The following ROBO2 variants were observed in gnomAD, a reference collection of about 807,000 sequenced individuals.
The protein encoded by ROBO2 is roundabout guidance receptor 2.
A neutral mutation model predicts 160.8 loss-of-function variants in ROBO2; 53 were observed. That is an observed-to-expected ratio of 0.33 (90% confidence interval 0.26 to 0.41). The LOEUF (loss-of-function observed/expected upper bound fraction) is 0.41. ROBO2 is among the 10% of genes least tolerant of loss of function. The pLI is 1.00. For missense variants in ROBO2, 1,577 were observed against 1,722.4 expected, an observed-to-expected ratio of 0.92 and a Z score of 1.49; for synonymous variants, 664 against 611.7, an observed-to-expected ratio of 1.09 and a Z score of -1.26.
At chr3:76,464,459 C>T (rs988030947) in intron 2 of ROBO2, among the ~76,000 whole-genome samples, 9 of 152,060 alleles carry the variant, frequency 5.9e-5, no homozygotes, top group East Asian at 1.9e-4. Context: ...CCTAATCCTA[C>T]CCCTAAGGAT....
chr3:76,845,940 G>A (rs960927059), intron 2 of ROBO2, among the ~76,000 whole-genome samples: 4 of 151,998 alleles, frequency 2.6e-5, no homozygotes, highest in Admixed American at 1.3e-4. Flanking sequence ...TGATTAAAAT[G>A]CTCAACAATG....
At chr3:76,908,765 T>C (rs1000586683) in intron 2 of ROBO2, among the ~76,000 whole-genome samples, 1 of 152,218 alleles carries the variant, frequency 6.6e-6, no homozygotes, top group Admixed American at 6.5e-5. Flanking sequence ...TACTATTTCA[T>C]ATACAATTGT....
intron 2 of ROBO2, among the ~76,000 whole-genome samples, chr3:76,518,725 T>A (rs2081459293): frequency 6.6e-6 from 1 of 152,166 alleles, no homozygotes. Flanking sequence ...ATTTATGTCA[T>A]CATGTTCTCT....
At chr3:76,170,921 C>G (rs2073016537) in intron 2 of ROBO2, among the ~76,000 whole-genome samples, 1 of 152,124 alleles carries the variant, frequency 6.6e-6, no homozygotes, top group African/African-American at 2.4e-5. Flanking sequence ...ATACAGTGAT[C>G]ATTGTTAAGC....
chr3:77,573,027 T>C, intron 13 of ROBO2, among the ~76,000 whole-genome samples: 1 of 152,164 alleles, frequency 6.6e-6, no homozygotes, highest in Non-Finnish European at 1.5e-5. Flanking sequence ...TTCCTCTTTC[T>C]CTACAAACTT....
intron 2 of ROBO2, among the ~76,000 whole-genome samples, chr3:76,888,171 C>T (rs2074055618): frequency 6.6e-6 from 1 of 152,058 alleles, no homozygotes; most frequent in African/African-American, 2.4e-5. Flanking sequence ...AGTTGGTGAC[C>T]AGCCTGGCTA....
chr3:77,097,432 G>C (rs1486728302), intron 1 of ROBO2, among the ~76,000 whole-genome samples: 1 of 151,758 alleles, frequency 6.6e-6, no homozygotes, highest in African/African-American at 2.4e-5. Context: ...ATTTATACTT[G>C]AGCTCTTCAG....
At chr3:76,222,969 G>T (rs1289653355) in intron 2 of ROBO2, among the ~76,000 whole-genome samples, 1 of 151,864 alleles carries the variant, frequency 6.6e-6, no homozygotes, top group East Asian at 2.0e-4. Flanking sequence ...TAGTCAGGCT[G>T]GTCTCAAGTT....
intron 2 of ROBO2, among the ~76,000 whole-genome samples, chr3:77,252,171 A>G (rs532700048): frequency 1.8e-3 from 270 of 152,232 alleles, no homozygotes; most frequent in Non-Finnish European, 3.1e-3. Flanking sequence ...CGACGTGAAC[A>G]TTATTCTGTC....
chr3:76,110,796 C>T (rs2070193395), intron 2 of ROBO2, among the ~76,000 whole-genome samples: 1 of 151,982 alleles, frequency 6.6e-6, no homozygotes, highest in South Asian at 2.1e-4. Flanking sequence ...AATAAAAATT[C>T]AATTAATTAG....
At chr3:77,640,335 G>T (rs796835118) in intron 24 of ROBO2, among the ~76,000 whole-genome samples, 2 of 151,968 alleles carry the variant, frequency 1.3e-5, no homozygotes, top group East Asian at 1.9e-4. Context: ...GGATGGTCTC[G>T]ATCTCTTGAC....
chr3:76,532,746 A>G (rs565695339), intron 2 of ROBO2, among the ~76,000 whole-genome samples: 15 of 152,282 alleles, frequency 9.9e-5, no homozygotes, highest in African/African-American at 1.7e-4. Context: ...CCATAAAACC[A>G]GTGCAAAAAG....
intron 2 of ROBO2, among the ~76,000 whole-genome samples, chr3:76,487,494 T>C (rs945823755): frequency 1.3e-5 from 2 of 152,230 alleles, no homozygotes; most frequent in African/African-American, 4.8e-5. Context: ...TCTAATACTT[T>C]AGTAAAACTT....
At chr3:76,677,499 G>T (rs2092439853) in intron 2 of ROBO2, among the ~76,000 whole-genome samples, 1 of 152,078 alleles carries the variant, frequency 6.6e-6, no homozygotes, top group African/African-American at 2.4e-5. Flanking sequence ...ATTGGTCTAG[G>T]TTCTGCCTCC....
chr3:77,294,972 A>C (rs1324847201), intron 2 of ROBO2, among the ~76,000 whole-genome samples: 1 of 151,632 alleles, frequency 6.6e-6, no homozygotes, highest in South Asian at 2.1e-4. Flanking sequence ...CTAGATCACC[A>C]AAGACATAAA....
chr3:76,958,216 C>G (rs2149217677), intron 2 of ROBO2, among the ~76,000 whole-genome samples: 1 of 152,340 alleles, frequency 6.6e-6, no homozygotes. Context: ...TTTGCCTTCT[C>G]AGCCTTCTCA....
intron 2 of ROBO2, among the ~76,000 whole-genome samples, chr3:76,536,327 G>A (rs998321477): frequency 2.6e-5 from 4 of 152,182 alleles, no homozygotes; most frequent in African/African-American, 9.7e-5. Flanking sequence ...TTGAGGGCCA[G>A]ATTCCAATTT....
chr3:76,387,565 G>T (rs1187132938), intron 2 of ROBO2, among the ~76,000 whole-genome samples: 1 of 152,088 alleles, frequency 6.6e-6, no homozygotes, highest in Non-Finnish European at 1.5e-5. Context: ...GAATGAATGT[G>T]CCAGATATGG....
At chr3:76,469,611 G>A (rs757798330) in intron 2 of ROBO2, among the ~76,000 whole-genome samples, 2 of 151,964 alleles carry the variant, frequency 1.3e-5, no homozygotes, top group Non-Finnish European at 2.9e-5. Context: ...TTTCCTGAAT[G>A]TGTCATTTGC....
Sources: gnomAD v4.1 joint callset for allele counts (sites outside exome capture counted in the v4.1 genomes callset) on GRCh38, gnomAD v4.1.1 for gene constraint, MANE v1.5 for transcripts, NCBI Gene and HGNC (gene_info 2026-07-23, HGNC 2026-07-21) for gene names.